The following KIFC3 variants were observed in gnomAD, a reference collection of about 807,000 sequenced individuals.
KIFC3 encodes kinesin family member C3.
A neutral mutation model predicts 101.8 loss-of-function variants in KIFC3; 60 were observed. The ratio of observed to expected loss-of-function variants is 0.59; its 90% CI spans 0.48 to 0.73. The LOEUF is 0.73. Among genes scored for constraint, KIFC3 ranks in the 30% least tolerant of loss-of-function variants. The probability of loss-of-function intolerance (pLI) is 0.00; values close to 1 mark genes in which losing one functional copy is unlikely to be tolerated. For synonymous variants in KIFC3, 476 were observed against 482.7 expected (o/e 0.99, Z 0.18); for missense variants, 966 against 1,137.1 (o/e 0.85, Z 2.16).
At chr16:57,809,205 A>G (rs2055010833) in intron 1 of KIFC3, among the ~76,000 whole-genome samples, 1 of 152,230 alleles carries the variant, frequency 6.6e-6, no homozygotes. Flanking sequence ...AAGTGCAGAC[A>G]TCATAGGATA....
At chr16:57,761,353 C>G in intron 14 of KIFC3, 60 bp downstream of exon 14, 1 of 1,608,900 alleles carries the variant, frequency 6.2e-7, no homozygotes, top group Non-Finnish European at 8.5e-7. Flanking sequence ...AGCCTACATT[C>G]AAACCCAGTT....
At chr16:57,808,854 T>C (rs1568073216) in intron 1 of KIFC3, among the ~76,000 whole-genome samples, 2 of 152,200 alleles carry the variant, frequency 1.3e-5, no homozygotes, top group Non-Finnish European at 2.9e-5. Flanking sequence ...CCCATTGAGT[T>C]ATGGTGAGAT....
intron 1 of KIFC3, among the ~76,000 whole-genome samples, chr16:57,860,926 G>C (rs1373531091): frequency 6.6e-6 from 1 of 151,998 alleles, no homozygotes; most frequent in Non-Finnish European, 1.5e-5. Context: ...TGGCCAGGCT[G>C]GTCTTCAACT....
Position 57,760,960 on chromosome 16 carries a change from A to G in KIFC3, c.2003-5T>C. ...AGTCCACCAGGTTCAGCTTCCCTGC[A>G]GGGAAGGCACCCACCAGATCAGGCC... On this transcript the variant is annotated splice_region_variant and splice_polypyrimidine_tract_variant and intron_variant, in intron 15 of 19. Coordinates refer to ENST00000445690, the MANE Select transcript of KIFC3 (RefSeq NM_001130100.2). The G allele has an allele frequency of 1.2e-6, 2 of 1,606,648 alleles. No individual in the cohort carries two copies. The highest frequency in any genetic ancestry group is 1.3e-5 in the African/African-American group (1 of 74,980).
chr16:57,837,974 C>T (rs974382266), intron 1 of KIFC3, among the ~76,000 whole-genome samples: 4 of 152,160 alleles, frequency 2.6e-5, no homozygotes, highest in Admixed American at 6.5e-5. Context: ...TCCTGGTGGG[C>T]CACACTGGCT....
rs1555623772 is a variant in KIFC3 at position 57,798,079 on chromosome 16, C to T, written c.165G>A (p.Leu55=). Residue 55 remains leucine (L), a synonymous_variant, in exon 2 of 20, where the codon TTG becomes TTA. Transcript: ENST00000445690. ...RPFPHTGPGR[L]RTGRGKDTPV... Reference sequence around the variant, plus strand: ...TTAAAAATGCGGACTCACCAGTTCTCAACCTCCCCGGGCCGGTGTGTGGGA... The same window carrying T: ...TTAAAAATGCGGACTCACCAGTTCTTAACCTCCCCGGGCCGGTGTGTGGGA... 1.9e-6 allele frequency: 3 copies of T among 1,592,538 alleles called. No homozygotes were observed. The highest frequency in any genetic ancestry group is 8.5e-7 in the Non-Finnish European group (1 of 1,169,884).
At chr16:57,826,811 C>T (rs1301206041) in intron 1 of KIFC3, among the ~76,000 whole-genome samples, 4 of 152,204 alleles carry the variant, frequency 2.6e-5, no homozygotes, top group Non-Finnish European at 1.5e-5. Flanking sequence ...AGTCAGATTC[C>T]TGATCATATT....
intron 1 of KIFC3, among the ~76,000 whole-genome samples, chr16:57,838,788 C>T (rs2055748366): frequency 6.6e-6 from 1 of 152,112 alleles, no homozygotes; most frequent in South Asian, 2.1e-4. Context: ...TGAACCACTC[C>T]TGCACCTTAC....
chr16:57,770,946 G>A (rs543684390), intron 6 of KIFC3, among the ~76,000 whole-genome samples: 2 of 152,316 alleles, frequency 1.3e-5, no homozygotes, highest in East Asian at 1.9e-4. Context: ...AGACAAGAAA[G>A]GCAAAAAGAC....
At chr16:57,807,089 C>A (rs1241779836), upstream of KIFC3, among the ~76,000 whole-genome samples, 1 of 151,932 alleles carries the variant, frequency 6.6e-6, no homozygotes, top group African/African-American at 2.4e-5. Context: ...TGCTGGTGGG[C>A]GCCTGTAATC....
intron 1 of KIFC3, among the ~76,000 whole-genome samples, chr16:57,800,957 A>G (rs2054685778): frequency 6.6e-6 from 1 of 152,140 alleles, no homozygotes; most frequent in African/African-American, 2.4e-5. Flanking sequence ...TGACCTTGGG[A>G]GAATTACTTT....
chr16:57,759,552 C>G, intron 18 of KIFC3, 176 bp downstream of exon 18: 1 of 598,296 alleles, frequency 1.7e-6, no homozygotes, highest in South Asian at 2.1e-5. Flanking sequence ...AGAACGGACA[C>G]AGCACTGTCT....
chr16:57,855,119 CT>C (rs1229988962), intron 1 of KIFC3, among the ~76,000 whole-genome samples: 6,466 of 105,014 alleles, frequency 0.062, 261 homozygotes, highest in East Asian at 0.18. Flanking sequence ...CCATTTCTTT[CT>C]TTTTTTTTTT....
intron 1 of KIFC3, among the ~76,000 whole-genome samples, chr16:57,809,128 T>A (rs1467379640): frequency 5.9e-5 from 9 of 152,062 alleles, no homozygotes; most frequent in African/African-American, 2.2e-4. Context: ...CATCTCTAAA[T>A]TTTTTTTAAT....
At chr16:57,796,228 A>T (rs1414624100) in intron 2 of KIFC3, among the ~76,000 whole-genome samples, 1 of 152,180 alleles carries the variant, frequency 6.6e-6, no homozygotes, top group Non-Finnish European at 1.5e-5. Flanking sequence ...TTGCTTGTCA[A>T]TAAAATGGGG....
rs542786786 is a variant in KIFC3, at chr16:57,760,152, C to T, written c.2367+130G>A. The T allele has an allele frequency of 1.6e-5, 18 of 1,115,734 alleles. No homozygotes were observed. In the South Asian group the frequency reaches 2.7e-4, roughly 17 times the overall value. 69.1% of individuals were successfully genotyped at this position (1,115,734 alleles called of 1,614,324 possible). A position where few individuals can be genotyped will look rare whatever the true frequency, so the allele number is the denominator to read the frequency against. On this transcript the variant is annotated intron_variant, in intron 17 of 19. Coordinates refer to ENST00000445690, the MANE Select transcript of KIFC3 (RefSeq NM_001130100.2). ...TGCTGGCTGTGGGTTCCAGCCGTAG[C>T]TCCACCCAACTCCGGCAGCTTCCCT...
At chr16:57,858,459 T>C (rs1257439071) in intron 1 of KIFC3, among the ~76,000 whole-genome samples, 1 of 152,172 alleles carries the variant, frequency 6.6e-6, no homozygotes, top group Non-Finnish European at 1.5e-5. Flanking sequence ...AGATATCCAA[T>C]ATAAGGTCCG....
chr16:57,794,918 C>G, intron 3 of KIFC3, 81 bp downstream of exon 3: 2 of 1,348,458 alleles, frequency 1.5e-6, no homozygotes, highest in Non-Finnish European at 1.9e-6. Context: ...GTGCTTCCTA[C>G]CCCCAGAAGC....
chr16:57,811,124 C>T (rs571858013), intron 1 of KIFC3, among the ~76,000 whole-genome samples: 3 of 152,274 alleles, frequency 2.0e-5, no homozygotes, highest in South Asian at 2.1e-4. Flanking sequence ...CACCTCAGTA[C>T]CTGGGGTTGG....
Sources: allele counts gnomAD v4.1 joint callset (sites outside exome capture counted in the v4.1 genomes callset), GRCh38; gene constraint gnomAD v4.1.1; transcripts MANE v1.5; gene names NCBI Gene and HGNC (gene_info 2026-07-23, HGNC 2026-07-21).